PDE10A: variants seen among roughly 807,000 people sequenced by gnomAD.
The protein encoded by PDE10A is cAMP and cAMP-inhibited cGMP 3',5'-cyclic phosphodiesterase 10A.
In PDE10A, 39 loss-of-function variants were observed where a neutral mutation model predicts 97.7. The ratio of observed to expected loss-of-function variants is 0.40; its 90% CI spans 0.31 to 0.52. The LOEUF is 0.52. Ranked by LOEUF, PDE10A falls within the 20% of genes least tolerant of loss-of-function variation. The probability of loss-of-function intolerance (pLI) is 0.56; values close to 1 mark genes in which losing one functional copy is unlikely to be tolerated. For missense variants in PDE10A, 731 were observed against 1,047.8 expected (o/e 0.70, Z 4.17); for synonymous variants, 371 against 376.8 (o/e 0.98, Z 0.18).
intron 1 of PDE10A, among the ~76,000 whole-genome samples, chr6:165,569,768 G>A (rs912144130): frequency 6.6e-6 from 1 of 152,108 alleles, no homozygotes; most frequent in Non-Finnish European, 1.5e-5. Context: ...CCCTGTGTAG[G>A]CACTATCAAT....
intron 1 of PDE10A, among the ~76,000 whole-genome samples, chr6:165,855,303 GGC>G (rs1274817385): frequency 1.4e-4 from 9 of 63,516 alleles, no homozygotes; most frequent in Non-Finnish European, 2.3e-4. Context: ...CGCGGGAAGT[GGC>G]GGGGGGGGGG....
intron 13 of PDE10A, 50 bp from the exon 14 acceptor site, chr6:165,396,509 A>C: frequency 1.3e-6 from 2 of 1,547,626 alleles, no homozygotes; most frequent in Non-Finnish European, 1.8e-6. Flanking sequence ...AGAATATTTA[A>C]ACTGTTTTGT....
chr6:165,702,869 CAT>C (rs1448985439), intron 1 of PDE10A, among the ~76,000 whole-genome samples: 5 of 152,160 alleles, frequency 3.3e-5, no homozygotes, highest in Admixed American at 1.3e-4. Context: ...GTTCCTAACA[CAT>C]GAGATGACTC....
At chr6:165,443,372 C>T (rs1790612316) in intron 5 of PDE10A, among the ~76,000 whole-genome samples, 1 of 152,190 alleles carries the variant, frequency 6.6e-6, no homozygotes, top group South Asian at 2.1e-4. Context: ...CCATGTCTCA[C>T]ATCCAGTGCA....
At chr6:165,570,211 A>G (rs1784985906) in intron 1 of PDE10A, among the ~76,000 whole-genome samples, 1 of 152,198 alleles carries the variant, frequency 6.6e-6, no homozygotes, top group Admixed American at 6.5e-5. Context: ...GAAAAAAAGT[A>G]TACTTCAAAT....
chr6:165,757,080 G>T (rs1191190252), intron 1 of PDE10A, among the ~76,000 whole-genome samples: 1 of 151,534 alleles, frequency 6.6e-6, no homozygotes, highest in African/African-American at 2.4e-5. Context: ...CGATTCTTCT[G>T]CCTCACCCTC....
At chr6:165,738,413 T>C (rs1431091068) in intron 1 of PDE10A, among the ~76,000 whole-genome samples, 11 of 150,582 alleles carry the variant, frequency 7.3e-5, no homozygotes, top group African/African-American at 2.7e-4. Flanking sequence ...AGTCTATCAT[T>C]GTTGGACATT....
rs979394763 is a variant in PDE10A at position 165,333,194 on chromosome 6, T to C, written c.3066-67A>G. On this transcript the variant is annotated intron_variant, in intron 21 of 21. Transcript: ENST00000539869. ...GATTTCTGGACTTTGTCTTGAAAAC[T>C]AACCAAACAGTCCTGTGGCACAGCT... 7 of 976,576 alleles carry C rather than the reference T, an allele frequency of 7.2e-6. No homozygotes were observed. In the Admixed American group the frequency reaches 1.0e-4, roughly 14 times the overall value. 60.5% of individuals were successfully genotyped at this position (976,576 alleles called of 1,614,324 possible).
rs371407971 is a variant in PDE10A at position 165,833,401 on chromosome 6, T to A, written c.-615+154128A>T. On this transcript the variant is annotated intron_variant, in intron 1 of 19. Coordinates refer to the PDE10A transcript ENST00000366882. ...GGGAAGGCTAATCTCATACCCTGGGTGGGAAATACAGAGAGGACGCAGAGG... is the reference window on the plus strand; with the variant it reads ...GGGAAGGCTAATCTCATACCCTGGGAGGGAAATACAGAGAGGACGCAGAGG... Among the ~76,000 whole-genome samples the A allele has an allele frequency of 2.5e-4, 38 of 152,278 alleles. No homozygotes were observed. In the East Asian group the frequency reaches 6.4e-3, roughly 26 times the overall value.
chr6:165,449,592 A>G (rs1404271879), intron 4 of PDE10A, among the ~76,000 whole-genome samples: 1 of 152,148 alleles, frequency 6.6e-6, no homozygotes, highest in Non-Finnish European at 1.5e-5. Context: ...AAATGGTGGC[A>G]ATAATAAAAA....
At chr6:165,453,115 G>T (rs981455267) in intron 3 of PDE10A, among the ~76,000 whole-genome samples, 3 of 152,134 alleles carry the variant, frequency 2.0e-5, no homozygotes, top group African/African-American at 7.2e-5. Context: ...GGGCTATATA[G>T]AAAGCAGAAC....
chr6:165,589,860 C>T (rs1157017579), intron 1 of PDE10A, among the ~76,000 whole-genome samples: 46 of 151,894 alleles, frequency 3.0e-4, no homozygotes, highest in Admixed American at 3.0e-3. Context: ...AACCAATCAG[C>T]CACTAAAAAA....
intron 2 of PDE10A, among the ~76,000 whole-genome samples, chr6:165,491,052 G>C (rs1212017843): frequency 6.6e-6 from 1 of 152,134 alleles, no homozygotes; most frequent in Admixed American, 6.5e-5. Flanking sequence ...GTAAAGGGGT[G>C]GAAAAAGATA....
At chr6:165,752,451 G>C (rs1447633245) in intron 1 of PDE10A, among the ~76,000 whole-genome samples, 2 of 152,182 alleles carry the variant, frequency 1.3e-5, no homozygotes, top group Non-Finnish European at 2.9e-5. Context: ...GACACTGCAA[G>C]ATATGAATTG....
chr6:165,744,281 A>G (rs1311614914), intron 1 of PDE10A, among the ~76,000 whole-genome samples: 1 of 152,202 alleles, frequency 6.6e-6, no homozygotes, highest in Non-Finnish European at 1.5e-5. Flanking sequence ...TGCATTTTCA[A>G]CTCTATAATA....
intron 1 of PDE10A, among the ~76,000 whole-genome samples, chr6:165,773,870 T>C (rs150368453): frequency 3.9e-3 from 596 of 152,184 alleles, no homozygotes; most frequent in Non-Finnish European, 6.6e-3. Context: ...AAAATAGCCC[T>C]GAACCCTGAA....
chr6:165,574,030 T>G (rs1785182807), intron 1 of PDE10A, among the ~76,000 whole-genome samples: 1 of 152,142 alleles, frequency 6.6e-6, no homozygotes, highest in African/African-American at 2.4e-5. Context: ...ATTGTGAGAG[T>G]GTAGGTTAAA....
At chr6:165,790,421 C>G (rs1207401517) in intron 1 of PDE10A, among the ~76,000 whole-genome samples, 1 of 152,248 alleles carries the variant, frequency 6.6e-6, no homozygotes, top group South Asian at 2.1e-4. Context: ...GAGGAAGTCT[C>G]TTTTTAGATT....
intron 3 of PDE10A, among the ~76,000 whole-genome samples, chr6:165,467,407 C>G (rs1376988339): frequency 6.6e-6 from 1 of 152,166 alleles, no homozygotes; most frequent in Admixed American, 6.5e-5. Flanking sequence ...TTCAAAGTTT[C>G]AAAGAACAGG....
Sources: gnomAD v4.1 joint callset for allele counts (sites outside exome capture counted in the v4.1 genomes callset) on GRCh38, gnomAD v4.1.1 for gene constraint, MANE v1.5 for transcripts, NCBI Gene and HGNC (gene_info 2026-07-23, HGNC 2026-07-21) for gene names.